The following ANAPC1 variants were observed in gnomAD, a reference collection of about 807,000 sequenced individuals.
The protein encoded by ANAPC1 is anaphase-promoting complex subunit 1.
A neutral mutation model predicts 208.0 loss-of-function variants in ANAPC1; 36 were observed. The observed-to-expected ratio is 0.17, with a 90% CI of 0.13 to 0.23. The LOEUF (loss-of-function observed/expected upper bound fraction) is 0.23. ANAPC1 is among the 10% of genes least tolerant of loss of function. ANAPC1 has a pLI of 1.00. For missense variants in ANAPC1, 942 were observed against 2,011.6 expected, an observed-to-expected ratio of 0.47 and a Z score of 10.17; for synonymous variants, 378 against 695.2, an observed-to-expected ratio of 0.54 and a Z score of 7.18.
At chr2:111,872,998 C>A (rs1682835908) in intron 5 of ANAPC1, 1 of 455,606 alleles carries the variant, frequency 2.2e-6, no homozygotes, top group East Asian at 3.8e-5. Context: ...ATTAAAAAGA[C>A]GATGAGTAAC....
intron 27 of ANAPC1, among the ~76,000 whole-genome samples, chr2:111,818,317 ATAAT>A (rs1385202351): frequency 1.4e-5 from 2 of 146,422 alleles, no homozygotes; most frequent in Non-Finnish European, 3.0e-5. Context: ...AAATTTTCTG[ATAAT>A]TAAACAAATA....
intron 24 of ANAPC1, among the ~76,000 whole-genome samples, chr2:111,823,576 G>A (rs1452695905): frequency 1.3e-5 from 2 of 152,110 alleles, no homozygotes; most frequent in Admixed American, 1.3e-4. Context: ...ATTATGATAT[G>A]TTCAAACAAA....
chr2:111,836,785 T>C (rs559023242), intron 18 of ANAPC1, among the ~76,000 whole-genome samples: 2 of 151,600 alleles, frequency 1.3e-5, no homozygotes, highest in African/African-American at 4.8e-5. Context: ...CTGACCAACA[T>C]GGCAAAATCC....
At chr2:111,871,770 G>A (rs1259580726) in intron 6 of ANAPC1, among the ~76,000 whole-genome samples, 2 of 152,070 alleles carry the variant, frequency 1.3e-5, no homozygotes, top group South Asian at 2.1e-4. Context: ...AAGAGACTGC[G>A]TTCTTGATTT....
intron 24 of ANAPC1, among the ~76,000 whole-genome samples, chr2:111,822,846 G>T (rs1219661843): frequency 6.6e-6 from 1 of 151,226 alleles, no homozygotes. Flanking sequence ...TTCCTAGAAG[G>T]GGAAACATAA....
chr2:111,807,247 A>C (rs1678726388), intron 29 of ANAPC1, among the ~76,000 whole-genome samples: 1 of 125,524 alleles, frequency 8.0e-6, no homozygotes, highest in Non-Finnish European at 1.7e-5. Flanking sequence ...ACACAAAGGT[A>C]ATCAGTGTAA....
chr2:111,878,505 T>G (rs1373660078), intron 3 of ANAPC1, among the ~76,000 whole-genome samples: 1 of 152,224 alleles, frequency 6.6e-6, no homozygotes, highest in Non-Finnish European at 1.5e-5. Flanking sequence ...GTTAAAATAT[T>G]TCTGTACTCT....
Position 111,862,580 on chromosome 2 carries a change from C to G in ANAPC1, c.1071G>C (p.Ala357=). The change falls in exon 10 of 48, where the codon GCG becomes GCC. Residue 357 remains alanine (A), a synonymous_variant. Coordinates refer to ENST00000341068, the MANE Select transcript of ANAPC1 (RefSeq NM_022662.4). ...CCCCTGAAAAAGAGTGCACTCCTAA[C>G]GCAGGAGAATGAGCACGACTGCAAA... ...MAALSRAHSP[A]LGVHSFSGVQ... 1.2e-6 allele frequency: 2 copies of G among 1,610,526 alleles called. No homozygotes were observed. Among genetic ancestry groups the G allele is most frequent in the Non-Finnish European group, 8.5e-7 (1 of 1,178,980 alleles).
At chr2:111,856,943 A>G (rs2104540754) in intron 11 of ANAPC1, 57 bp from the exon 12 acceptor site, 5 of 1,327,952 alleles carry the variant, frequency 3.8e-6, no homozygotes, top group Admixed American at 3.8e-5. Context: ...ATGGGTATTA[A>G]AAGTATTATA....
chr2:111,872,962 A>G (rs1171847820), intron 5 of ANAPC1: 10 of 527,290 alleles, frequency 1.9e-5, no homozygotes, highest in Non-Finnish European at 3.4e-5. Flanking sequence ...TAACAAAATG[A>G]CAATGTGTTA....
chr2:111,819,830 T>C (rs1421123181), intron 26 of ANAPC1, among the ~76,000 whole-genome samples: 2 of 152,210 alleles, frequency 1.3e-5, no homozygotes, highest in Non-Finnish European at 2.9e-5. Flanking sequence ...TGGACACACA[T>C]AACTGCTTTT....
intron 34 of ANAPC1, among the ~76,000 whole-genome samples, chr2:111,797,044 G>A (rs1248561202): frequency 1.3e-5 from 2 of 151,468 alleles, no homozygotes; most frequent in Non-Finnish European, 2.9e-5. Flanking sequence ...TTTGTTTTTT[G>A]TAGAGACAGG....
At chr2:111,859,386 G>A (rs1247131892) in intron 10 of ANAPC1, among the ~76,000 whole-genome samples, 3 of 152,146 alleles carry the variant, frequency 2.0e-5, no homozygotes, top group East Asian at 1.9e-4. Context: ...CAGGATAATC[G>A]ATTGAACCTG....
intron 43 of ANAPC1, among the ~76,000 whole-genome samples, chr2:111,781,508 G>A (rs1311954813): frequency 6.6e-6 from 1 of 152,248 alleles, no homozygotes; most frequent in Non-Finnish European, 1.5e-5. Context: ...AATGAAATAT[G>A]AGTTGAATTA....
In ANAPC1 at chr2:111,821,372, A is replaced by G. The variant is rs200181614; in HGVS notation, c.3073T>C (p.Ser1025Pro). Residue 1025 changes from serine to proline, a missense_variant, in exon 26 of 48, where the codon TCA (serine) becomes CCA (proline). Transcript: ENST00000341068. The stretch of plus-strand genomic sequence containing the variant: ...CTTAAATCTTCACTCCATATTAATG[A>G]CATGACCTCGTGATTCATGTCATTC... Reference protein sequence around the residue: ...GMNDMNHEVMSLIWSEDLRVQ... With the variant: ...GMNDMNHEVMPLIWSEDLRVQ... The G allele has an allele frequency of 5.4e-6, 8 of 1,494,256 alleles. No individual in the cohort carries two copies. The East Asian group carries it at 1.8e-4, about 34-fold the overall frequency. 92.6% of individuals were successfully genotyped at this position (1,494,256 alleles called of 1,614,324 possible). A position where few individuals can be genotyped will look rare whatever the true frequency, so the allele number is the denominator to read the frequency against.
intron 21 of ANAPC1, among the ~76,000 whole-genome samples, chr2:111,826,927 G>C (rs939997087): frequency 1.4e-4 from 21 of 152,150 alleles, no homozygotes; most frequent in Admixed American, 1.4e-3. Flanking sequence ...CCAAAGTGCT[G>C]AGATTATGCC....
chr2:111,771,698 T>C (rs1461167883), intron 47 of ANAPC1, among the ~76,000 whole-genome samples: 7 of 151,804 alleles, frequency 4.6e-5, no homozygotes, highest in Non-Finnish European at 1.0e-4. Flanking sequence ...TATCAGAGGC[T>C]TGCAAAACAG....
chr2:111,876,641 G>C (rs186690180), intron 3 of ANAPC1, among the ~76,000 whole-genome samples: 31 of 152,206 alleles, frequency 2.0e-4, no homozygotes, highest in African/African-American at 7.5e-4. Context: ...CCATCAAAAA[G>C]ATCACTGGCT....
At chr2:111,838,536 A>C (rs369865255) in intron 17 of ANAPC1, 24 bp from the exon 18 acceptor site, 2 of 1,580,956 alleles carry the variant, frequency 1.3e-6, no homozygotes, top group East Asian at 2.3e-5. Context: ...CCAAAAGAAA[A>C]GATAAAAATC....
Sources: allele counts gnomAD v4.1 joint callset (sites outside exome capture counted in the v4.1 genomes callset), GRCh38; gene constraint gnomAD v4.1.1; transcripts MANE v1.5; gene names NCBI Gene and HGNC (gene_info 2026-07-23, HGNC 2026-07-21).